The following MYH10 variants were observed in gnomAD, a reference collection of about 807,000 sequenced individuals.
MYH10 encodes myosin heavy chain 10.
MYH10 carries 55 observed loss-of-function variants against 257.8 expected under a neutral mutation model. The ratio of observed to expected loss-of-function variants is 0.21; its 90% CI spans 0.17 to 0.27. The LOEUF (loss-of-function observed/expected upper bound fraction) is 0.27, where lower values mean the gene tolerates loss of function less well. MYH10 is among the 10% of genes least tolerant of loss of function. The pLI, the probability that MYH10 is intolerant of heterozygous loss-of-function variation, is 1.00. For synonymous variants in MYH10, 854 were observed against 921.7 expected (o/e 0.93, Z 1.33); for missense variants, 1,631 against 2,500.6 (o/e 0.65, Z 7.42).
chr17:8,518,490 C>T (rs915804256), intron 21 of MYH10, 141 bp downstream of exon 21: 6 of 810,394 alleles, frequency 7.4e-6, no homozygotes, highest in African/African-American at 7.0e-5. Context: ...ATGTATTTAC[C>T]TGACTATCTC....
intron 17 of MYH10, chr17:8,521,602 T>C: frequency 9.7e-6 from 3 of 307,956 alleles, no homozygotes; most frequent in Admixed American, 4.4e-5. Flanking sequence ...ATTTGGAAAA[T>C]GAAAACTCAT....
At chr17:8,579,875 G>A (rs1165487123) in intron 4 of MYH10, among the ~76,000 whole-genome samples, 1 of 152,102 alleles carries the variant, frequency 6.6e-6, no homozygotes, top group East Asian at 1.9e-4. Flanking sequence ...ATGATTTCAG[G>A]TAAGAATTTA....
chr17:8,611,182 C>T (rs930775578), intron 2 of MYH10, among the ~76,000 whole-genome samples: 29 of 152,280 alleles, frequency 1.9e-4, no homozygotes, highest in African/African-American at 7.0e-4. Context: ...TGGCTACACC[C>T]TAAGAGTTAA....
Position 8,492,963 on chromosome 17 carries a change from G to T in MYH10, c.4271C>A (p.Ala1424Asp), listed in dbSNP as rs781212675. The stretch of plus-strand genomic sequence containing the variant: ...CGCGTCCTTCAGAAGCTTCTTCTTG[G>T]CTTCTTCCAGACTTTCAATTGTTCC... ...DLGTIESLEE[A>D]KKKLLKDAEA... The change falls in exon 33 of 43, where the codon GCC becomes GAC. Residue 1424 changes from alanine to aspartate, a missense_variant. Physicochemically the swap from Ala to Asp is moderately radical, Grantham distance 126. Coordinates refer to ENST00000360416, the MANE Select transcript of MYH10 (RefSeq NM_001256012.3). 1 of 1,614,072 alleles carries T rather than the reference G, an allele frequency of 6.2e-7. No individual in the cohort carries two copies. Among genetic ancestry groups the T allele is most frequent in the South Asian group, 1.1e-5 (1 of 91,076 alleles).
intron 36 of MYH10, 50 bp from the exon 37 acceptor site, chr17:8,484,316 TTAAAA>T (rs763325269): frequency 4.5e-6 from 7 of 1,563,322 alleles, no homozygotes; most frequent in East Asian, 2.3e-5. Flanking sequence ...TTAGTTTTAG[TTAAAA>T]TAAAATTTTT....
intron 36 of MYH10, 21 bp downstream of exon 36, chr17:8,487,412 T>C: frequency 6.2e-7 from 1 of 1,613,724 alleles, no homozygotes; most frequent in Non-Finnish European, 8.5e-7. Context: ...ATCCAGAGAC[T>C]CCATGGGTGA....
intron 2 of MYH10, among the ~76,000 whole-genome samples, chr17:8,608,144 A>G (rs1337246519): frequency 2.0e-5 from 3 of 152,212 alleles, no homozygotes; most frequent in African/African-American, 7.2e-5. Context: ...AAACTGAACA[A>G]TTCGGATTTT....
intron 21 of MYH10, among the ~76,000 whole-genome samples, chr17:8,515,817 T>C (rs1158535603): frequency 6.6e-6 from 1 of 152,166 alleles, no homozygotes; most frequent in African/African-American, 2.4e-5. Flanking sequence ...GTGCTGGAAT[T>C]ACAGGTGTGA....
At chr17:8,585,286 G>GTATATATATATATATA (rs71361807) in intron 4 of MYH10, among the ~76,000 whole-genome samples, 5,730 of 84,224 alleles carry the variant, frequency 0.068, 459 homozygotes, top group African/African-American at 0.1. Flanking sequence ...ATGTGTGTGT[G>GTATATATATATATATA]TGTATATATA....
chr17:8,518,458 C>T (rs1218094861), intron 21 of MYH10, among the ~76,000 whole-genome samples, 173 bp downstream of exon 21: 1 of 152,112 alleles, frequency 6.6e-6, no homozygotes, highest in Non-Finnish European at 1.5e-5. Context: ...TGTATTGCAA[C>T]ATCCCATTAC....
chr17:8,540,256 A>G (rs1040411731), intron 14 of MYH10, among the ~76,000 whole-genome samples: 4 of 152,134 alleles, frequency 2.6e-5, no homozygotes, highest in African/African-American at 9.7e-5. Context: ...CAGCCTCCCA[A>G]AGTACTGGGA....
rs185512539 is a variant in MYH10 at position 8,532,878 on chromosome 17, G to C, written c.1895-2193C>G. 2.0e-3 allele frequency among the ~76,000 whole-genome samples: 298 copies of C among 152,276 alleles called. 2 individuals carry two copies. Among genetic ancestry groups the C allele is most frequent in the African/African-American group, 4.5e-3 (187 of 41,558 alleles). On this transcript the variant is annotated intron_variant, in intron 16 of 42. Coordinates refer to ENST00000360416, the MANE Select transcript of MYH10 (RefSeq NM_001256012.3). Reference sequence around the variant, plus strand: ...ATACAAATGGGTCAAGTGCTGAACAGGTGTTTCCAACACCATTTTTGGTTA... The same window carrying C: ...ATACAAATGGGTCAAGTGCTGAACACGTGTTTCCAACACCATTTTTGGTTA...
chr17:8,577,379 C>G, intron 4 of MYH10, 41 bp from the exon 5 acceptor site: 1 of 1,248,418 alleles, frequency 8.0e-7, no homozygotes, highest in Non-Finnish European at 1.1e-6. Context: ...AACGAAAGCA[C>G]AGCACATGCA....
At chr17:8,601,922 T>A (rs1008412797) in intron 3 of MYH10, among the ~76,000 whole-genome samples, 9 of 152,088 alleles carry the variant, frequency 5.9e-5, no homozygotes, top group African/African-American at 2.2e-4. Context: ...AAAAAGTTTG[T>A]GCATGATATG....
At chr17:8,598,494 T>C (rs189085966) in intron 3 of MYH10, among the ~76,000 whole-genome samples, 1 of 152,204 alleles carries the variant, frequency 6.6e-6, no homozygotes, top group Non-Finnish European at 1.5e-5. Flanking sequence ...ATTGTACTTT[T>C]AAGTACCTTT....
chr17:8,536,443 T>C (rs192577133), intron 14 of MYH10, among the ~76,000 whole-genome samples: 148 of 152,368 alleles, frequency 9.7e-4, no homozygotes, highest in Non-Finnish European at 1.8e-3. Flanking sequence ...GTAGAATATA[T>C]GGAAATTGAT....
chr17:8,501,801 C>T (rs912504009), intron 28 of MYH10, among the ~76,000 whole-genome samples: 2 of 152,310 alleles, frequency 1.3e-5, no homozygotes, highest in South Asian at 2.1e-4. Context: ...CTGCACTTTA[C>T]GGTATGAAGA....
chr17:8,585,288 G>GTATATATATATATATATATATATA lies in MYH10; in HGVS notation c.530+3792_530+3793insTATATATATATATATATATATATA, dbSNP rs71159599. ...TATATATATGTGCATGTGTGTGTGT[G>GTATATATATATATATATATATATA]TATATATATATATATATAGCTACAT... On this transcript the variant is annotated intron_variant, in intron 4 of 42. Transcript: ENST00000360416. 6.0e-3 allele frequency among the ~76,000 whole-genome samples: 594 copies of GTATATATATATATATATATATATA among 99,162 alleles called. 11 individuals carry two copies. Among genetic ancestry groups the GTATATATATATATATATATATATA allele is most frequent in the Non-Finnish European group, 6.9e-3 (344 of 49,940 alleles). 65.1% of individuals were successfully genotyped at this position (99,162 alleles called of 152,430 possible).
chr17:8,550,564 G>A (rs1248501323), intron 9 of MYH10, among the ~76,000 whole-genome samples: 1 of 151,912 alleles, frequency 6.6e-6, no homozygotes, highest in Admixed American at 6.5e-5. Flanking sequence ...CGGGAGGTGA[G>A]GGGCGCCTCT....
Sources: allele counts gnomAD v4.1 joint callset (sites outside exome capture counted in the v4.1 genomes callset), GRCh38; gene constraint gnomAD v4.1.1; transcripts MANE v1.5; gene names NCBI Gene and HGNC (gene_info 2026-07-23, HGNC 2026-07-21).